PSME4: variants seen among roughly 807,000 people sequenced by gnomAD.
PSME4 encodes proteasome activator subunit 4.
A neutral mutation model predicts 253.9 loss-of-function variants in PSME4; 89 were observed. That is an observed-to-expected ratio of 0.35 (90% CI 0.30 to 0.42). The LOEUF is 0.42. Ranked by LOEUF, PSME4 falls within the 10% of genes least tolerant of loss-of-function variation. The pLI, the probability that PSME4 is intolerant of heterozygous loss-of-function variation, is 1.00. For missense variants in PSME4, 2,014 were observed against 2,195.2 expected, an observed-to-expected ratio of 0.92 and a Z score of 1.65; for synonymous variants, 851 against 759.2, an observed-to-expected ratio of 1.12 and a Z score of -1.99.
chr2:53,907,200 A>G (rs1218645071), intron 24 of PSME4, among the ~76,000 whole-genome samples: 1 of 152,206 alleles, frequency 6.6e-6, no homozygotes, highest in Non-Finnish European at 1.5e-5. Context: ...TACTAAGACA[A>G]TTGCTCAACT....
At chr2:53,888,641 T>G (rs944844117) in intron 38 of PSME4, 80 bp downstream of exon 38, 45 of 984,962 alleles carry the variant, frequency 4.6e-5, no homozygotes, top group Non-Finnish European at 6.8e-5. Context: ...TTTACAAGTA[T>G]AGACCATTCA....
intron 20 of PSME4, 67 bp from the exon 21 acceptor site, chr2:53,910,197 T>C: frequency 1.5e-6 from 2 of 1,319,070 alleles, no homozygotes; most frequent in South Asian, 1.2e-5. Flanking sequence ...GGGAAAAGTT[T>C]CATTGCTGGA....
At chr2:53,955,754 C>G (rs1475379753) in intron 1 of PSME4, among the ~76,000 whole-genome samples, 2 of 147,452 alleles carry the variant, frequency 1.4e-5, no homozygotes, top group African/African-American at 5.0e-5. Flanking sequence ...AGACCTCGTG[C>G]CTACAAGATA....
At chr2:53,915,639 A>G (rs1668025079) in intron 20 of PSME4, among the ~76,000 whole-genome samples, 2 of 152,004 alleles carry the variant, frequency 1.3e-5, no homozygotes, top group South Asian at 4.1e-4. Flanking sequence ...TTGTTTTTTT[A>G]TCACTGTACT....
chr2:53,970,587 T>G lies in PSME4; in HGVS notation c.198A>C (p.Gln66His). 2 of 1,548,550 alleles carry G rather than the reference T, an allele frequency of 1.3e-6. No homozygotes were observed. The highest frequency in any genetic ancestry group is 1.2e-5 in the South Asian group (1 of 83,964). Residue 66 changes from glutamine (Q) to histidine (H), a missense_variant, in exon 1 of 47, where the codon CAA becomes CAC. Around this residue, in one of 4 missense-constraint regions of PSME4, gnomAD observed 615 missense variants for 594.4 expected, o/e 1.03. Transcript: ENST00000404125. ...AGAAGAGGCCCCCGGGCCACAGCTC[T>G]TGGAGCTGCACGGCCCGGCCCAGGT... The part of the protein sequence containing the change: ...KCNLGRAVQL[Q>H]ELWPGGLFWT...
chr2:53,957,132 AAAC>A (rs1161101830), intron 1 of PSME4, among the ~76,000 whole-genome samples: 2 of 152,198 alleles, frequency 1.3e-5, no homozygotes, highest in Non-Finnish European at 2.9e-5. Flanking sequence ...CACTCAGGAT[AAAC>A]AACATTTCAT....
intron 7 of PSME4, 76 bp from the exon 8 acceptor site, chr2:53,934,803 T>TAGTGTTAC: frequency 9.1e-7 from 1 of 1,095,092 alleles, no homozygotes. Context: ...TGCTGTATAT[T>TAGTGTTAC]AGTGTTACTG....
chr2:53,895,286 A>G (rs1680090950), intron 33 of PSME4, among the ~76,000 whole-genome samples: 1 of 152,130 alleles, frequency 6.6e-6, no homozygotes, highest in Non-Finnish European at 1.5e-5. Flanking sequence ...AAAAATATGT[A>G]TTTCTCTGGG....
chr2:53,940,925 T>TATA (rs1182485680), intron 3 of PSME4, among the ~76,000 whole-genome samples: 1 of 118,210 alleles, frequency 8.5e-6, no homozygotes, highest in African/African-American at 3.1e-5. Context: ...TAAATATATA[T>TATA]ATAATACATA....
chr2:53,909,487 T>C (rs1425633826), intron 21 of PSME4, among the ~76,000 whole-genome samples: 1 of 152,212 alleles, frequency 6.6e-6, no homozygotes, highest in Non-Finnish European at 1.5e-5. Context: ...ATGAGCATTA[T>C]GATATATAAA....
chr2:53,869,631 T>C, intron 43 of PSME4, 93 bp from the exon 44 acceptor site: 1 of 1,013,966 alleles, frequency 9.9e-7, no homozygotes, highest in Non-Finnish European at 1.4e-6. Flanking sequence ...GGTGAAGACC[T>C]TCCCTGAAAT....
At position 53,906,820 on chromosome 2, in the gene PSME4, T is replaced by C. The variant is rs1680680982; in HGVS notation, c.2833A>G (p.Met945Val). The C allele has an allele frequency of 6.2e-7, 1 of 1,613,664 alleles. No homozygotes were observed. Among genetic ancestry groups the C allele is most frequent in the Admixed American group, 1.7e-5 (1 of 59,990 alleles). The change falls in exon 25 of 47, where the codon ATG (methionine) becomes GTG (valine). Residue 945 changes from methionine to valine, a missense_variant. Met to Val is a conservative substitution (Grantham distance 21). Around this residue, in one of 4 missense-constraint regions of PSME4, gnomAD observed 989 missense variants for 1,021.1 expected, o/e 0.97. Coordinates refer to ENST00000404125, the MANE Select transcript of PSME4 (RefSeq NM_014614.3). ...HIRALLIDRVMLQHELRTLTV... is the reference protein window; with the variant it reads ...HIRALLIDRVVLQHELRTLTV... ...AACATATTTACCTCATGCTGTAACA[T>C]TACTCTATCAATCAACAGTGCTCTG...
Position 53,908,767 on chromosome 2 carries a change from T to G in PSME4, c.2629+17A>C. 1 of 1,570,184 alleles carries G rather than the reference T, an allele frequency of 6.4e-7. No individual in the cohort carries two copies. The highest frequency in any genetic ancestry group is 1.1e-5 in the South Asian group (1 of 88,102). ...TATTCCAAAGTACAAATAAGTTAAATGTACAGATACACTTACTAAGAAGTT... is the reference window on the plus strand; with the variant it reads ...TATTCCAAAGTACAAATAAGTTAAAGGTACAGATACACTTACTAAGAAGTT... On this transcript the variant is annotated intron_variant, in intron 22 of 46. Coordinates refer to ENST00000404125, the MANE Select transcript of PSME4 (RefSeq NM_014614.3).
intron 41 of PSME4, among the ~76,000 whole-genome samples, chr2:53,878,053 T>C (rs1679216046): frequency 6.6e-6 from 1 of 152,182 alleles, no homozygotes; most frequent in African/African-American, 2.4e-5. Context: ...TAGGAGTGTC[T>C]AGCAAAAGCA....
At chr2:53,889,610 G>C (rs568325002) in intron 37 of PSME4, among the ~76,000 whole-genome samples, 2 of 152,322 alleles carry the variant, frequency 1.3e-5, no homozygotes, top group East Asian at 3.9e-4. Context: ...ACTCAAATGT[G>C]ACTATCGCAG....
rs1257694266 is a variant in PSME4, at chr2:53,919,134, C to A, written c.2516+17G>T. ...CTTAAAATATATGTTAAGTGGAAAA[C>A]AGTTATTTTTACTTACAAGTTAGTA... is the stretch of plus-strand genomic sequence containing the variant. On this transcript the variant is annotated intron_variant, in intron 20 of 46. Coordinates refer to ENST00000404125, the MANE Select transcript of PSME4 (RefSeq NM_014614.3). 6.3e-7 allele frequency: 1 copy of A among 1,598,822 alleles called. No homozygotes were observed. Among genetic ancestry groups the A allele is most frequent in the South Asian group, 1.1e-5 (1 of 88,228 alleles).
In PSME4 at chr2:53,908,777, C is replaced by A. The variant is rs1210626287; in HGVS notation, c.2629+7G>T. The A allele has an allele frequency of 6.3e-7, 1 of 1,585,928 alleles. No homozygotes were observed. The highest frequency in any genetic ancestry group is 1.7e-5 in the Admixed American group (1 of 58,232). ...TACAAATAAGTTAAATGTACAGATA[C>A]ACTTACTAAGAAGTTTCCTTATAAC... On this transcript the variant is annotated splice_region_variant and intron_variant, in intron 22 of 46. Coordinates refer to ENST00000404125, the MANE Select transcript of PSME4 (RefSeq NM_014614.3).
In PSME4 at chr2:53,919,248, T is replaced by C. The variant is rs1558682895; in HGVS notation, c.2421-2A>G. ...GTCAGACTCTGTAGAATATCATCTC[T>C]AGAAAAAAAAAAAAGACATTTTCAT... On this transcript the variant is annotated splice_acceptor_variant, in intron 19 of 46. Transcript: ENST00000404125. LOFTEE classifies it high-confidence loss of function. 2 of 1,543,982 alleles carry C rather than the reference T, an allele frequency of 1.3e-6. No individual in the cohort carries two copies. Among genetic ancestry groups the C allele is most frequent in the Admixed American group, 2.2e-5 (1 of 45,596 alleles).
intron 19 of PSME4, among the ~76,000 whole-genome samples, chr2:53,919,628 G>A (rs574592866): frequency 3.3e-5 from 5 of 152,284 alleles, no homozygotes; most frequent in African/African-American, 9.6e-5. Context: ...CCAAAAAGCA[G>A]TTCAGAGTAC....
Sources: allele counts gnomAD v4.1 joint callset (sites outside exome capture counted in the v4.1 genomes callset), GRCh38; gene constraint gnomAD v4.1.1; regional missense constraint gnomAD v4.1.1; transcripts MANE v1.5; gene names NCBI Gene and HGNC (gene_info 2026-07-23, HGNC 2026-07-21).